SCOC: variants seen among roughly 807,000 people sequenced by gnomAD.
The protein encoded by SCOC is short coiled-coil protein, also known as short coiled coil protein.
In SCOC, 7 loss-of-function variants were observed where a neutral mutation model predicts 9.9. The ratio of observed to expected loss-of-function variants is 0.71; its 90% CI spans 0.40 to 1.33. SCOC has a LOEUF of 1.33. SCOC is among the 40% of genes most tolerant of loss of function. The pLI is 0.01. For missense variants in SCOC, 66 were observed against 89.7 expected, an observed-to-expected ratio of 0.74 and a Z score of 1.07; for synonymous variants, 19 against 28.2, an observed-to-expected ratio of 0.67 and a Z score of 1.03.
At position 140,373,686 on chromosome 4, in the gene SCOC, A is replaced by G. The variant is rs1489430884; in HGVS notation, c.-82A>G. The G allele has an allele frequency of 6.5e-7, 1 of 1,550,302 alleles. No individual in the cohort carries two copies. Among genetic ancestry groups the G allele is most frequent in the Non-Finnish European group, 8.7e-7 (1 of 1,146,886 alleles). Reference sequence around the variant, plus strand: ...TGTCCCGGCCTGAGGTGTCGGCCGGATCCCTCCTTCTCCCGGCGCCTCAAG... The same window carrying G: ...TGTCCCGGCCTGAGGTGTCGGCCGGGTCCCTCCTTCTCCCGGCGCCTCAAG... On this transcript the variant is annotated 5_prime_UTR_variant, in exon 1 of 4. Transcript: ENST00000608372.
chr4:140,354,717 T>G (rs1727136406), intron 2 of SCOC, among the ~76,000 whole-genome samples: 1 of 152,002 alleles, frequency 6.6e-6, no homozygotes, highest in Non-Finnish European at 1.5e-5. Flanking sequence ...CTTAAGGGTT[T>G]TTTTTTTTAA....
chr4:140,373,782 T>C, intron 1 of SCOC, 65 bp downstream of exon 1: 1 of 1,462,084 alleles, frequency 6.8e-7, no homozygotes, highest in South Asian at 1.2e-5. Flanking sequence ...CCTCAGTACC[T>C]CCGAGGGCCT....
At chr4:140,295,635 C>A (rs1369165991) in intron 1 of SCOC, among the ~76,000 whole-genome samples, 1 of 152,176 alleles carries the variant, frequency 6.6e-6, no homozygotes, top group African/African-American at 2.4e-5. Flanking sequence ...CGTCACAAGA[C>A]CACCTGCATG....
At chr4:140,354,730 C>CT in intron 2 of SCOC, among the ~76,000 whole-genome samples, 1 of 150,436 alleles carries the variant, frequency 6.6e-6, no homozygotes, top group South Asian at 2.1e-4. Flanking sequence ...TTTTTTAAAC[C>CT]TTTTTGAGGG....
intron 3 of SCOC, among the ~76,000 whole-genome samples, 200 bp downstream of exon 3, chr4:140,379,852 T>A (rs1728495914): frequency 6.6e-6 from 1 of 152,218 alleles, no homozygotes; most frequent in African/African-American, 2.4e-5. Flanking sequence ...GTTGTTATTG[T>A]GCTTCCCTCT....
intron 1 of SCOC, among the ~76,000 whole-genome samples, chr4:140,300,589 G>T (rs1731785115): frequency 6.6e-6 from 1 of 152,198 alleles, no homozygotes; most frequent in African/African-American, 2.4e-5. Flanking sequence ...GGTGAAGAAG[G>T]AACTAAAACC....
At chr4:140,284,248 A>AAT (rs1437280963) in intron 1 of SCOC, 17 of 151,422 alleles carry the variant, frequency 1.1e-4, no homozygotes, top group African/African-American at 3.9e-4. Flanking sequence ...AATTAAAAAA[A>AAT]AAACCCAAAC....
intron 1 of SCOC, among the ~76,000 whole-genome samples, chr4:140,300,476 C>T (rs531778230): frequency 4.6e-5 from 7 of 152,306 alleles, no homozygotes; most frequent in Non-Finnish European, 8.8e-5. Context: ...GATGACAGCA[C>T]GTGAGTCATC....
chr4:140,341,118 T>C (rs11734646), upstream of SCOC, among the ~76,000 whole-genome samples: 6,281 of 152,096 alleles, frequency 0.041, 208 homozygotes, highest in Non-Finnish European at 0.062. Context: ...CCCCCATCCA[T>C]TAGGATAGAC....
chr4:140,356,695 T>C (rs1001099255), intron 2 of SCOC, among the ~76,000 whole-genome samples: 3 of 152,222 alleles, frequency 2.0e-5, no homozygotes, highest in Admixed American at 1.3e-4. Context: ...TCAGGTGGTA[T>C]ATAATTTCTA....
intron 1 of SCOC, among the ~76,000 whole-genome samples, chr4:140,286,033 A>C (rs953395777): frequency 2.6e-5 from 4 of 151,960 alleles, no homozygotes. Flanking sequence ...AAAAATACAA[A>C]AATTAGCCGG....
At position 140,284,877 on chromosome 4, in the gene SCOC, T is replaced by C. The variant is rs562253936; in HGVS notation, c.-19+27467T>C. On this transcript the variant is annotated intron_variant, in intron 1 of 4. Transcript: ENST00000394205. Reference sequence around the variant, plus strand: ...AATGGAAATATTTTTAAATTCTTGTTATAATTAATCAAATCTATGTTCTTT... The same window carrying C: ...AATGGAAATATTTTTAAATTCTTGTCATAATTAATCAAATCTATGTTCTTT... 3.5e-4 allele frequency: 61 copies of C among 176,148 alleles called. No individual in the cohort carries two copies. In the South Asian group the frequency reaches 5.4e-3, roughly 15 times the overall value. The allele number at this position is 176,148 out of a possible 1,614,324, so 10.9% of individuals were successfully genotyped here.
intron 1 of SCOC, among the ~76,000 whole-genome samples, chr4:140,305,110 T>C (rs1731929218): frequency 6.6e-6 from 1 of 152,158 alleles, no homozygotes; most frequent in African/African-American, 2.4e-5. Context: ...AACAACCGCA[T>C]TGCAGATAGA....
rs529433377 is a variant in SCOC, at chr4:140,291,640, C to A, written c.-19+34230C>A. On this transcript the variant is annotated intron_variant, in intron 1 of 4. Coordinates refer to the SCOC transcript ENST00000394205. ...CAATGACCATGTACCATGTACCTGA[C>A]GCTTATTAATATGTTCTGGGAATAA... 184 of 395,516 alleles carry A rather than the reference C, an allele frequency of 4.7e-4. 4 individuals are homozygous for A. The highest frequency in any genetic ancestry group is 3.3e-3 in the South Asian group (180 of 54,258). The allele number at this position is 395,516 out of a possible 1,614,324, so 24.5% of individuals were successfully genotyped here.
At chr4:140,364,920 C>T (rs964836512) in intron 2 of SCOC, among the ~76,000 whole-genome samples, 6 of 152,016 alleles carry the variant, frequency 3.9e-5, no homozygotes, top group African/African-American at 1.2e-4. Context: ...AACCCTTAAG[C>T]CTTATTACAC....
intron 1 of SCOC, among the ~76,000 whole-genome samples, chr4:140,299,575 T>C (rs1731754796): frequency 6.6e-6 from 1 of 152,252 alleles, no homozygotes; most frequent in African/African-American, 2.4e-5. Context: ...ATATCAAAGC[T>C]TTCCCATGGA....
intron 1 of SCOC, among the ~76,000 whole-genome samples, chr4:140,295,346 A>C (rs1029339529): frequency 1.3e-5 from 2 of 152,164 alleles, no homozygotes; most frequent in African/African-American, 4.8e-5. Flanking sequence ...AAAAAATCTC[A>C]GAAGGCCCAT....
intron 1 of SCOC, among the ~76,000 whole-genome samples, chr4:140,375,052 A>G (rs1306565905): frequency 6.6e-6 from 1 of 152,200 alleles, no homozygotes; most frequent in African/African-American, 2.4e-5. Flanking sequence ...GGGTATTAGG[A>G]AAAAGTCTCA....
At chr4:140,271,982 C>T (rs925135198) in intron 1 of SCOC, among the ~76,000 whole-genome samples, 11 of 151,864 alleles carry the variant, frequency 7.2e-5, no homozygotes, top group Middle Eastern at 3.4e-3. Flanking sequence ...ATTATGGCAG[C>T]GCAAGGTCGA....
Sources: gnomAD v4.1 joint callset for allele counts (sites outside exome capture counted in the v4.1 genomes callset) on GRCh38, gnomAD v4.1.1 for gene constraint, MANE v1.5 for transcripts, NCBI Gene and HGNC (gene_info 2026-07-23, HGNC 2026-07-21) for gene names.